DMP1: variants seen among roughly 807,000 people sequenced by gnomAD.
DMP1 encodes the protein dentin matrix acidic phosphoprotein 1.
Under a neutral mutation model 14.6 loss-of-function variants are expected in DMP1, and 20 were observed. That is an observed-to-expected ratio of 1.37 (90% CI 0.96 to 1.99). DMP1 has a LOEUF of 1.99. DMP1 is among the 30% of genes most tolerant of loss of function. The pLI is 0.00. For missense variants in DMP1, 567 were observed against 620.5 expected (o/e 0.91, Z 0.92); for synonymous variants, 197 against 215.3 (o/e 0.91, Z 0.75).
At chr4:87,654,796 ATAGAC>A (rs1208628468) in intron 1 of DMP1, among the ~76,000 whole-genome samples, 2 of 152,246 alleles carry the variant, frequency 1.3e-5, no homozygotes, top group East Asian at 3.8e-4. Context: ...TAAAGTAAAC[ATAGAC>A]TAGAGGAAGC....
chr4:87,650,466 G>A (rs1728506146), intron 1 of DMP1, 82 bp downstream of exon 1: 1 of 152,092 alleles, frequency 6.6e-6, no homozygotes, highest in African/African-American at 2.4e-5. Context: ...ACATGTTTGA[G>A]GCATTATACC....
chr4:87,652,348 T>C (rs77983179), intron 1 of DMP1, among the ~76,000 whole-genome samples: 2,270 of 152,284 alleles, frequency 0.015, 67 homozygotes, highest in African/African-American at 0.052. Context: ...TTTGGAGCTC[T>C]TGTTTGGAAA....
chr4:87,653,394 T>A (rs1728577012), intron 1 of DMP1, among the ~76,000 whole-genome samples: 1 of 49,008 alleles, frequency 2.0e-5, no homozygotes, highest in Admixed American at 1.7e-4. Flanking sequence ...GTGATATATA[T>A]ATATATATAT....
In DMP1 at chr4:87,653,386, GATATATATATATATATATATATATATAT is replaced by G. The variant is rs57266829; in HGVS notation, c.-22+3022_-21-3039del. 5.0e-3 allele frequency among the ~76,000 whole-genome samples: 291 copies of G among 57,774 alleles called. 6 individuals are homozygous for G. Among genetic ancestry groups the G allele is most frequent in the African/African-American group, 0.013 (263 of 20,356 alleles). 37.9% of individuals were successfully genotyped at this position (57,774 alleles called of 152,430 possible). A position where few individuals can be genotyped will look rare whatever the true frequency, so the allele number is the denominator to read the frequency against. On this transcript the variant is annotated intron_variant, in intron 1 of 5. Coordinates refer to ENST00000339673, the MANE Select transcript of DMP1 (RefSeq NM_004407.4). Reference sequence around the variant, plus strand: ...TCAGCATATTCAGGCATTATCGAGTGATATATATATATATATATATATATATATATATATATATATATATATACTTTTT... The same window carrying G: ...TCAGCATATTCAGGCATTATCGAGTGATATATATATATATATATACTTTTT...
At chr4:87,656,883 G>GCTA in intron 2 of DMP1, 149 bp from the exon 3 acceptor site, 1 of 660,734 alleles carries the variant, frequency 1.5e-6, no homozygotes, top group Non-Finnish European at 2.8e-6. Flanking sequence ...TTAGGGATAG[G>GCTA]AAACAGAAAT....
chr4:87,663,573 C>T lies in DMP1; in HGVS notation c.*253C>T. On this transcript the variant is annotated 3_prime_UTR_variant, in exon 6 of 6. Coordinates refer to ENST00000339673, the MANE Select transcript of DMP1 (RefSeq NM_004407.4). ...AGAAAGGATCTGCATGATAACTTTG[C>T]AGCTGAGATAGTTCCTAATTCATCA... 1.8e-6 allele frequency: 1 copy of T among 547,136 alleles called. No homozygotes were observed. Among genetic ancestry groups the T allele is most frequent in the Non-Finnish European group, 3.2e-6 (1 of 307,914 alleles). The allele number at this position is 547,136 out of a possible 1,614,324, so 33.9% of individuals were successfully genotyped here.
intron 1 of DMP1, among the ~76,000 whole-genome samples, chr4:87,653,386 GATATATATATAT>G (rs57266829): frequency 0.15 from 8,648 of 57,750 alleles, 746 homozygotes; most frequent in Non-Finnish European, 0.22. Context: ...ATTATCGAGT[GATATATATATAT>G]ATATATATAT....
At chr4:87,654,293 G>C (rs1728622602) in intron 1 of DMP1, among the ~76,000 whole-genome samples, 1 of 152,162 alleles carries the variant, frequency 6.6e-6, no homozygotes, top group African/African-American at 2.4e-5. Context: ...CTTTGGGAAA[G>C]AGGGATTCTA....
intron 1 of DMP1, among the ~76,000 whole-genome samples, chr4:87,653,405 A>ATATAT (rs1728580644): frequency 9.8e-6 from 1 of 102,022 alleles, no homozygotes; most frequent in Non-Finnish European, 2.0e-5. Flanking sequence ...ATATATATAT[A>ATATAT]TATATATATA....
At position 87,663,532 on chromosome 4, in the gene DMP1, A is replaced by G. The variant is rs1468020382; in HGVS notation, c.*212A>G. 6 of 663,900 alleles carry G rather than the reference A, an allele frequency of 9.0e-6. No homozygotes were observed. The highest frequency in any genetic ancestry group is 1.8e-5 in the African/African-American group (1 of 55,032). The allele number at this position is 663,900 out of a possible 1,614,324, so 41.1% of individuals were successfully genotyped here. On this transcript the variant is annotated 3_prime_UTR_variant, in exon 6 of 6. Coordinates refer to ENST00000339673, the MANE Select transcript of DMP1 (RefSeq NM_004407.4). ...TGTGGAGTGACACCAGAACACAGCCAAAGAGGCTAGAAGCAAGAAAGGATC... is the reference window on the plus strand; with the variant it reads ...TGTGGAGTGACACCAGAACACAGCCGAAGAGGCTAGAAGCAAGAAAGGATC...
chr4:87,651,272 T>TG (rs1560488574), intron 1 of DMP1, among the ~76,000 whole-genome samples: 2 of 152,212 alleles, frequency 1.3e-5, no homozygotes, highest in Non-Finnish European at 2.9e-5. Context: ...AAAATGGTGA[T>TG]GTAAAACAAT....
intron 4 of DMP1, 57 bp from the exon 5 acceptor site, chr4:87,659,373 GT>G: frequency 6.2e-7 from 1 of 1,603,132 alleles, no homozygotes; most frequent in Non-Finnish European, 8.5e-7. Flanking sequence ...TGTGTATCAT[GT>G]TTTTTTCTTT....
chr4:87,652,626 C>T (rs1728555225), intron 1 of DMP1, among the ~76,000 whole-genome samples: 1 of 152,166 alleles, frequency 6.6e-6, no homozygotes, highest in Non-Finnish European at 1.5e-5. Context: ...AATCTTCCAT[C>T]CCTAAGAAAC....
chr4:87,659,822 C>T (rs553493683), intron 5 of DMP1, among the ~76,000 whole-genome samples: 2 of 152,288 alleles, frequency 1.3e-5, no homozygotes, highest in South Asian at 4.1e-4. Flanking sequence ...GTTGCTTTTA[C>T]AATTGGAGCA....
Position 87,663,742 on chromosome 4 carries a change from T to A in DMP1, c.*422T>A, listed in dbSNP as rs1460638685. 2 of 271,984 alleles carry A rather than the reference T, an allele frequency of 7.4e-6. No individual in the cohort carries two copies. The highest frequency in any genetic ancestry group is 1.0e-4 in the Admixed American group (2 of 19,842). The allele number at this position is 271,984 out of a possible 1,614,324, so 16.8% of individuals were successfully genotyped here. A position where few individuals can be genotyped will look rare whatever the true frequency, so the allele number is the denominator to read the frequency against. ...AAAGCTACAGAGTTAAAGAGGGATA[T>A]GTATAAGAGAAACAAGAATTGTTAC... On this transcript the variant is annotated 3_prime_UTR_variant, in exon 6 of 6. Transcript: ENST00000339673.
At chr4:87,653,572 C>T (rs1040716699) in intron 1 of DMP1, among the ~76,000 whole-genome samples, 9 of 151,048 alleles carry the variant, frequency 6.0e-5, no homozygotes, top group East Asian at 3.9e-4. Flanking sequence ...ACTACAGGCA[C>T]GTGCCACCAA....
chr4:87,655,159 C>T (rs1459330746), intron 1 of DMP1, among the ~76,000 whole-genome samples: 3 of 152,152 alleles, frequency 2.0e-5, no homozygotes, highest in Non-Finnish European at 2.9e-5. Context: ...TGAAACAAAT[C>T]GACAAACGTG....
chr4:87,661,947 A>G lies in DMP1; in HGVS notation c.184-15A>G, dbSNP rs779064698. 6.2e-7 allele frequency: 1 copy of G among 1,614,146 alleles called. No homozygotes were observed. Among genetic ancestry groups the G allele is most frequent in the East Asian group, 2.2e-5 (1 of 44,878 alleles). ...TCCTGGAATACTGACCATATCTGTT[A>G]ACCCCAAATTCTAGGCAAATGAAGA... On this transcript the variant is annotated splice_polypyrimidine_tract_variant and intron_variant, in intron 5 of 5. Coordinates refer to ENST00000339673, the MANE Select transcript of DMP1 (RefSeq NM_004407.4).
At chr4:87,656,382 G>A (rs1051775301) in intron 1 of DMP1, 90 bp from the exon 2 acceptor site, 2 of 787,136 alleles carry the variant, frequency 2.5e-6, no homozygotes, top group Non-Finnish European at 4.6e-6. Context: ...TGGACATTTG[G>A]ATGAATTTTT....
Sources: gnomAD v4.1 joint callset for allele counts (sites outside exome capture counted in the v4.1 genomes callset) on GRCh38, gnomAD v4.1.1 for gene constraint, MANE v1.5 for transcripts, NCBI Gene and HGNC (gene_info 2026-07-23, HGNC 2026-07-21) for gene names.